The following TRAF3 variants were observed in gnomAD, a reference collection of about 807,000 sequenced individuals.
The protein encoded by TRAF3 is TNF receptor-associated factor 3.
Under a neutral mutation model 62.3 loss-of-function variants are expected in TRAF3, and 13 were observed. The ratio of observed to expected loss-of-function variants is 0.21; its 90% CI spans 0.14 to 0.33. The LOEUF (loss-of-function observed/expected upper bound fraction) is 0.33. TRAF3 is among the 10% of genes least tolerant of loss of function. The probability of loss-of-function intolerance (pLI) is 1.00; values close to 1 mark genes in which losing one functional copy is unlikely to be tolerated. For synonymous variants in TRAF3, 269 were observed against 283.4 expected, an observed-to-expected ratio of 0.95 and a Z score of 0.51; for missense variants, 440 against 741.8, an observed-to-expected ratio of 0.59 and a Z score of 4.73.
intron 2 of TRAF3, among the ~76,000 whole-genome samples, chr14:102,869,080 C>T (rs748128758): frequency 1.3e-5 from 2 of 152,232 alleles, no homozygotes; most frequent in African/African-American, 2.4e-5. Context: ...TACCTGAACC[C>T]GAGCCCCCTC....
At chr14:102,864,566 T>C (rs953562158) in intron 2 of TRAF3, among the ~76,000 whole-genome samples, 2 of 152,228 alleles carry the variant, frequency 1.3e-5, no homozygotes, top group East Asian at 1.9e-4. Context: ...TTAGGACATA[T>C]TAAATTATGA....
intron 2 of TRAF3, among the ~76,000 whole-genome samples, chr14:102,861,815 T>G (rs1351073448): frequency 6.6e-6 from 1 of 152,230 alleles, no homozygotes; most frequent in African/African-American, 2.4e-5. Flanking sequence ...TGGACATCTT[T>G]TTATGCGCTT....
chr14:102,896,904 A>C (rs1250903329), intron 9 of TRAF3, among the ~76,000 whole-genome samples: 2 of 152,118 alleles, frequency 1.3e-5, no homozygotes, highest in Middle Eastern at 3.2e-3. Flanking sequence ...TCTCTAAAAA[A>C]ATTATTTTTT....
chr14:102,833,500 C>A (rs1192125590), intron 2 of TRAF3, among the ~76,000 whole-genome samples: 1 of 152,160 alleles, frequency 6.6e-6, no homozygotes. Flanking sequence ...CAAGCGAACA[C>A]CCATATTGTG....
chr14:102,892,232 A>G (rs1387391687), intron 9 of TRAF3, among the ~76,000 whole-genome samples: 1 of 151,806 alleles, frequency 6.6e-6, no homozygotes, highest in Admixed American at 6.6e-5. Context: ...TAATTTTTGT[A>G]TTTTTAGTAG....
At chr14:102,872,313 G>C (rs1051206051) in intron 4 of TRAF3, among the ~76,000 whole-genome samples, 2 of 152,186 alleles carry the variant, frequency 1.3e-5, no homozygotes, top group Non-Finnish European at 2.9e-5. Context: ...TCTGTGGTTG[G>C]GTCACTTCCG....
In TRAF3 at chr14:102,866,804, C is replaced by T. The variant is rs552811202; in HGVS notation, c.-17-3381C>T. Among the ~76,000 whole-genome samples, 45 of 151,234 alleles carry T rather than the reference C, an allele frequency of 3.0e-4. 1 individual carries two copies. The South Asian group carries it at 9.2e-3, about 31-fold the overall frequency. ...AGGCTGCAGTGAGCCATGATGGCAC[C>T]ACTATACTCCAGCCTGGGCAACAGA... is the stretch of plus-strand genomic sequence containing the variant. On this transcript the variant is annotated intron_variant, in intron 2 of 11. Coordinates refer to ENST00000392745, the MANE Select transcript of TRAF3 (RefSeq NM_145725.3).
intron 6 of TRAF3, among the ~76,000 whole-genome samples, chr14:102,883,813 T>C (rs1395557688): frequency 6.6e-6 from 1 of 152,194 alleles, no homozygotes; most frequent in Admixed American, 6.5e-5. Flanking sequence ...TTCAAACTCC[T>C]GCCCCCAGGT....
chr14:102,879,095 C>T (rs796637928), intron 6 of TRAF3, among the ~76,000 whole-genome samples: 39 of 151,668 alleles, frequency 2.6e-4, no homozygotes, highest in African/African-American at 9.2e-4. Context: ...TTTGGTGGCT[C>T]GCAGGATCAT....
intron 2 of TRAF3, among the ~76,000 whole-genome samples, chr14:102,848,368 G>T (rs1306177478): frequency 6.6e-6 from 1 of 152,218 alleles, no homozygotes; most frequent in Non-Finnish European, 1.5e-5. Context: ...GTTCCAGGCT[G>T]CAGTGAGCTA....
chr14:102,826,400 T>C lies in TRAF3; in HGVS notation c.-156-3934T>C, dbSNP rs1486941205. 6.6e-6 allele frequency among the ~76,000 whole-genome samples: 1 copy of C among 152,162 alleles called. No individual in the cohort carries two copies. Among genetic ancestry groups the C allele is most frequent in the Admixed American group, 6.5e-5 (1 of 15,276 alleles). ...ACCACCCTGACCGCCACTGCAGGGC[T>C]TCTGTGCGGGGGCAGCTGCAGAGCC... On this transcript the variant is annotated intron_variant, in intron 1 of 11. Transcript: ENST00000392745. The surrounding 1 kb of genome is among the most constrained non-coding windows in gnomAD (Gnocchi z 4.6).
intron 2 of TRAF3, among the ~76,000 whole-genome samples, chr14:102,839,203 G>A (rs1595349512): frequency 8.9e-6 from 1 of 112,506 alleles, no homozygotes; most frequent in African/African-American, 3.9e-5. Flanking sequence ...CTTATTGGTT[G>A]ATTTGCCTTT....
chr14:102,825,715 C>T (rs986437613), intron 1 of TRAF3, among the ~76,000 whole-genome samples: 2 of 152,252 alleles, frequency 1.3e-5, no homozygotes, highest in Non-Finnish European at 2.9e-5. Flanking sequence ...AGTGGCGCTG[C>T]CACAGAGAAC....
intron 9 of TRAF3, among the ~76,000 whole-genome samples, chr14:102,894,384 G>A (rs761107977): frequency 3.3e-5 from 5 of 152,130 alleles, no homozygotes; most frequent in Non-Finnish European, 5.9e-5. Flanking sequence ...TGCAAAATCT[G>A]GACTTAAAAA....
chr14:102,858,504 T>TC (rs1887507065), intron 2 of TRAF3, among the ~76,000 whole-genome samples: 1 of 145,542 alleles, frequency 6.9e-6, no homozygotes, highest in African/African-American at 2.7e-5. Flanking sequence ...GAAACCTGCA[T>TC]CCAAGAGCAC....
intron 6 of TRAF3, among the ~76,000 whole-genome samples, chr14:102,885,278 C>G (rs546391386): frequency 4.6e-5 from 7 of 152,332 alleles, no homozygotes; most frequent in African/African-American, 1.7e-4. Context: ...AAATCCCTCC[C>G]CAGTTCCTTC....
chr14:102,825,406 G>A (rs1300293027), intron 1 of TRAF3, among the ~76,000 whole-genome samples: 1 of 152,222 alleles, frequency 6.6e-6, no homozygotes, highest in Non-Finnish European at 1.5e-5. Context: ...CCTGTGGTGT[G>A]CTCCTTCTGG....
At position 102,903,819 on chromosome 14, in the gene TRAF3, G is replaced by A. The variant is rs1459476309; in HGVS notation, c.1135+390G>A. On this transcript the variant is annotated intron_variant, in intron 11 of 11. Transcript: ENST00000392745. This position sits in a 1 kb window ranked among gnomAD's most constrained non-coding sequence, Gnocchi z 6.4. ...CACTCCTAAGGGCCAGGGGGCAGCA[G>A]TCCCACCGCGCTCTGCCAGCATGTT... 2 of 473,420 alleles carry A rather than the reference G, an allele frequency of 4.2e-6. No individual in the cohort carries two copies. Among genetic ancestry groups the A allele is most frequent in the Non-Finnish European group, 4.2e-6 (1 of 238,542 alleles). The allele number at this position is 473,420 out of a possible 1,614,324, so 29.3% of individuals were successfully genotyped here.
chr14:102,861,410 C>T (rs1273500349), intron 2 of TRAF3, among the ~76,000 whole-genome samples: 1 of 152,204 alleles, frequency 6.6e-6, no homozygotes, highest in Non-Finnish European at 1.5e-5. Context: ...GGGCATCAAA[C>T]CCAAGTTCAG....
Sources: gnomAD v4.1 joint callset for allele counts (sites outside exome capture counted in the v4.1 genomes callset) on GRCh38, gnomAD v4.1.1 for gene constraint, Gnocchi (gnomAD v3.1) non-coding constraint, MANE v1.5 for transcripts, NCBI Gene and HGNC (gene_info 2026-07-23, HGNC 2026-07-21) for gene names.